The following STAG1 variants were observed in gnomAD, a reference collection of about 807,000 sequenced individuals.
STAG1 encodes the protein STAG1 cohesin complex component, also known as cohesin subunit SA-1.
STAG1 carries 26 observed loss-of-function variants against 170.9 expected under a neutral mutation model. The observed-to-expected ratio is 0.15, with a 90% confidence interval of 0.11 to 0.21. The LOEUF (loss-of-function observed/expected upper bound fraction) is 0.21, where lower values mean the gene tolerates loss of function less well. Ranked by LOEUF, STAG1 falls within the 10% of genes least tolerant of loss-of-function variation. The pLI is 1.00. For synonymous variants in STAG1, 514 were observed against 497.7 expected (o/e 1.03, Z -0.44); for missense variants, 964 against 1,509.5 (o/e 0.64, Z 5.99).
At chr3:136,358,296 G>T (rs1936733500) in intron 27 of STAG1, among the ~76,000 whole-genome samples, 1 of 152,026 alleles carries the variant, frequency 6.6e-6, no homozygotes, top group Non-Finnish European at 1.5e-5. Context: ...TATTGCCCAG[G>T]CTGGTCTCAA....
intron 3 of STAG1, among the ~76,000 whole-genome samples, chr3:136,618,914 TA>T (rs766832290): frequency 4.6e-5 from 7 of 151,030 alleles, no homozygotes; most frequent in Admixed American, 6.6e-5. Context: ...ATACTGAATT[TA>T]AAAAAAAAGT....
chr3:136,672,951 G>A (rs1222450085), intron 1 of STAG1, among the ~76,000 whole-genome samples: 1 of 152,034 alleles, frequency 6.6e-6, no homozygotes, highest in African/African-American at 2.4e-5. Flanking sequence ...TGAAGAACAG[G>A]TGACTCCCAA....
intron 24 of STAG1, 28 bp from the exon 25 acceptor site, chr3:136,367,110 A>G: frequency 6.4e-7 from 1 of 1,565,872 alleles, no homozygotes; most frequent in Non-Finnish European, 8.7e-7. Context: ...ATTGGTTATG[A>G]ATTCTGGTAC....
intron 1 of STAG1, among the ~76,000 whole-genome samples, chr3:136,717,049 T>A (rs1305116988): frequency 1.3e-5 from 2 of 152,204 alleles, no homozygotes. Flanking sequence ...AACAGCAACG[T>A]GTACACAGCA....
rs1226586500 is a variant in STAG1 at position 136,615,276 on chromosome 3, A to G, written c.132+7870T>C. ...ACAAGAGACAGATAGATACCTGACTAAAAAGTTGTGAACAGGGAAATACAA... is the reference window on the plus strand; with the variant it reads ...ACAAGAGACAGATAGATACCTGACTGAAAAGTTGTGAACAGGGAAATACAA... On this transcript the variant is annotated intron_variant, in intron 3 of 33. Transcript: ENST00000383202. 3.9e-5 allele frequency among the ~76,000 whole-genome samples: 6 copies of G among 152,114 alleles called. 1 individual carries two copies. Among genetic ancestry groups the G allele is most frequent in the Non-Finnish European group, 1.5e-5 (1 of 68,026 alleles).
intron 16 of STAG1, among the ~76,000 whole-genome samples, chr3:136,426,409 CA>C (rs1049488699): frequency 1.3e-5 from 2 of 151,950 alleles, no homozygotes; most frequent in Non-Finnish European, 2.9e-5. Flanking sequence ...GACTCCGTCT[CA>C]AAAACAAACA....
At chr3:136,460,557 G>A (rs2089244910) in intron 13 of STAG1, among the ~76,000 whole-genome samples, 1 of 152,048 alleles carries the variant, frequency 6.6e-6, no homozygotes, top group Admixed American at 6.6e-5. Context: ...AGCCGAGACT[G>A]TGCCATTGTA....
intron 15 of STAG1, among the ~76,000 whole-genome samples, chr3:136,436,204 C>T (rs949180834): frequency 6.6e-6 from 1 of 152,156 alleles, no homozygotes; most frequent in Non-Finnish European, 1.5e-5. Context: ...GATCCACCGG[C>T]CTCAGCCTCT....
At chr3:136,693,815 C>T (rs367782764) in intron 1 of STAG1, among the ~76,000 whole-genome samples, 1 of 151,986 alleles carries the variant, frequency 6.6e-6, no homozygotes, top group African/African-American at 2.4e-5. Context: ...GCCATTGATC[C>T]TCCCACCTCA....
At chr3:136,546,797 T>C (rs865821414) in intron 5 of STAG1, among the ~76,000 whole-genome samples, 25 of 152,232 alleles carry the variant, frequency 1.6e-4, no homozygotes, top group South Asian at 2.1e-4. Context: ...CATTGTATAA[T>C]TGGCTCCAGT....
intron 29 of STAG1, among the ~76,000 whole-genome samples, chr3:136,345,358 G>C (rs1290704209): frequency 6.6e-6 from 1 of 152,030 alleles, no homozygotes; most frequent in Non-Finnish European, 1.5e-5. Context: ...CAGAATGCTG[G>C]GATTACAGGT....
At chr3:136,553,951 G>A (rs540708180) in intron 5 of STAG1, among the ~76,000 whole-genome samples, 54 of 152,112 alleles carry the variant, frequency 3.6e-4, no homozygotes, top group African/African-American at 1.3e-3. Context: ...ACTAAATGGT[G>A]CAACTAAAAG....
At chr3:136,419,621 GTGTTT>G (rs1411590762) in intron 20 of STAG1, among the ~76,000 whole-genome samples, 1 of 106,836 alleles carries the variant, frequency 9.4e-6, no homozygotes, top group Non-Finnish European at 2.1e-5. Flanking sequence ...ATTTTTGTGT[GTGTTT>G]TTTTTTTTTT....
intron 1 of STAG1, among the ~76,000 whole-genome samples, chr3:136,668,222 G>T (rs76159542): frequency 0.029 from 4,315 of 149,870 alleles, 201 homozygotes; most frequent in African/African-American, 0.098. Context: ...GCAACAGAGT[G>T]AGACTGTCTC....
At chr3:136,707,350 A>G (rs866303623) in intron 1 of STAG1, among the ~76,000 whole-genome samples, 1 of 152,216 alleles carries the variant, frequency 6.6e-6, no homozygotes, top group East Asian at 1.9e-4. Flanking sequence ...ACAAAAGACA[A>G]ACAATCCAAT....
At chr3:136,586,805 A>G (rs552602754) in intron 4 of STAG1, 1 of 456,286 alleles carries the variant, frequency 2.2e-6, no homozygotes, top group African/African-American at 2.0e-5. Context: ...AGCTCACCTG[A>G]GTATGTGGTA....
intron 4 of STAG1, among the ~76,000 whole-genome samples, chr3:136,577,863 G>A (rs1406363518): frequency 6.6e-6 from 1 of 152,224 alleles, no homozygotes; most frequent in Non-Finnish European, 1.5e-5. Flanking sequence ...ACTTACTAGA[G>A]ATTCCAGACT....
In STAG1 at chr3:136,752,267, G is replaced by C. The variant is rs1412172770; in HGVS notation, c.-156C>G. On this transcript the variant is annotated 5_prime_UTR_variant, in exon 1 of 34. It adds an upstream start codon to the 5' untranslated region. Coordinates refer to ENST00000383202, the MANE Select transcript of STAG1 (RefSeq NM_005862.3). ...CAAAAGTCTCCGGTGTGTTATTCCC[G>C]ATGTGGGGGGGTTGTTACGGGGTGG... The C allele has an allele frequency of 6.5e-6, 1 of 152,784 alleles. No individual in the cohort carries two copies. Among genetic ancestry groups the C allele is most frequent in the Non-Finnish European group, 1.5e-5 (1 of 68,100 alleles). The allele number at this position is 152,784 out of a possible 1,614,324, so 9.5% of individuals were successfully genotyped here.
At chr3:136,545,760 A>T (rs1936130639) in intron 5 of STAG1, among the ~76,000 whole-genome samples, 1 of 152,146 alleles carries the variant, frequency 6.6e-6, no homozygotes, top group Non-Finnish European at 1.5e-5. Context: ...CATTTTTGAT[A>T]CTTATAAATT....
Sources: allele counts gnomAD v4.1 joint callset (sites outside exome capture counted in the v4.1 genomes callset), GRCh38; gene constraint gnomAD v4.1.1; transcripts MANE v1.5; gene names NCBI Gene and HGNC (gene_info 2026-07-23, HGNC 2026-07-21).